CYP7B1: variants seen among roughly 807,000 people sequenced by gnomAD.
CYP7B1 encodes cytochrome P450 7B1.
CYP7B1 carries 29 observed loss-of-function variants against 42.7 expected under a neutral mutation model. The observed-to-expected ratio is 0.68, with a 90% CI of 0.51 to 0.93. The LOEUF (loss-of-function observed/expected upper bound fraction) is 0.93, where lower values mean the gene tolerates loss of function less well. Ranked by LOEUF, CYP7B1 falls within the 40% of genes least tolerant of loss-of-function variation. The pLI is 0.00. For missense variants in CYP7B1, 655 were observed against 600.5 expected (o/e 1.09, Z -0.95); for synonymous variants, 235 against 218.2 (o/e 1.08, Z -0.68).
intron 5 of CYP7B1, among the ~76,000 whole-genome samples, chr8:64,601,878 C>A (rs953016775): frequency 1.3e-5 from 2 of 152,164 alleles, no homozygotes; most frequent in African/African-American, 4.8e-5. Context: ...CTAGCATCTC[C>A]TTTTGCCATA....
chr8:64,693,830 T>C (rs1420841962), intron 1 of CYP7B1, among the ~76,000 whole-genome samples: 2 of 152,214 alleles, frequency 1.3e-5, no homozygotes, highest in East Asian at 1.9e-4. Context: ...AACTTGATCT[T>C]CCTAGCAACC....
chr8:64,626,054 G>C (rs1479283216), intron 1 of CYP7B1, among the ~76,000 whole-genome samples: 1 of 152,110 alleles, frequency 6.6e-6, no homozygotes, highest in Non-Finnish European at 1.5e-5. Context: ...TTATCACCGA[G>C]TTTAGAACTA....
rs1805426589 is a variant in CYP7B1 at position 64,615,604 on chromosome 8, T to C, written c.850+87A>G. On this transcript the variant is annotated intron_variant, in intron 3 of 5. Coordinates refer to ENST00000310193, the MANE Select transcript of CYP7B1 (RefSeq NM_004820.5). ...GCCAATTAGAAAGAGCATAAAAAAT[T>C]TTCAAGGTCGCCATTTTGTCTTTTT... 3 of 1,315,698 alleles carry C rather than the reference T, an allele frequency of 2.3e-6. No homozygotes were observed. In the South Asian group the frequency reaches 3.7e-5, roughly 16 times the overall value. The allele number at this position is 1,315,698 out of a possible 1,614,324, so 81.5% of individuals were successfully genotyped here.
intron 1 of CYP7B1, among the ~76,000 whole-genome samples, chr8:64,764,225 C>T (rs1207842681): frequency 4.1e-5 from 1 of 24,552 alleles, no homozygotes; most frequent in African/African-American, 2.3e-4. Context: ...CCAGCTTCCA[C>T]GCTGCCCCCC....
At chr8:64,677,438 C>CAA (rs148821778) in intron 1 of CYP7B1, among the ~76,000 whole-genome samples, 23 of 87,276 alleles carry the variant, frequency 2.6e-4, no homozygotes, top group Non-Finnish European at 4.4e-4. Flanking sequence ...ATTTAGGAGC[C>CAA]AAAAAAAAAA....
intron 1 of CYP7B1, among the ~76,000 whole-genome samples, chr8:64,657,510 T>C (rs1178387342): frequency 1.3e-5 from 2 of 152,206 alleles, no homozygotes; most frequent in Admixed American, 1.3e-4. Flanking sequence ...CAGACATTTG[T>C]ATGAATCCAT....
chr8:64,794,723 G>A (rs936521500), intron 1 of CYP7B1, among the ~76,000 whole-genome samples: 13 of 152,056 alleles, frequency 8.5e-5, no homozygotes, highest in African/African-American at 3.1e-4. Context: ...AATTTTAGAG[G>A]GGAAGCAAAC....
intron 1 of CYP7B1, among the ~76,000 whole-genome samples, chr8:64,632,336 A>C (rs1360698787): frequency 6.6e-6 from 1 of 152,168 alleles, no homozygotes; most frequent in South Asian, 2.1e-4. Flanking sequence ...CAAACACTAC[A>C]TGATTCCACT....
At chr8:64,672,782 A>C (rs1806385811) in intron 1 of CYP7B1, among the ~76,000 whole-genome samples, 1 of 152,118 alleles carries the variant, frequency 6.6e-6, no homozygotes, top group Non-Finnish European at 1.5e-5. Flanking sequence ...AGATAAGCTG[A>C]CTTCTGAGTG....
chr8:64,586,827 C>G (rs536648551), downstream of CYP7B1, among the ~76,000 whole-genome samples: 159 of 152,328 alleles, frequency 1.0e-3, no homozygotes, highest in Middle Eastern at 6.8e-3. Context: ...CCTGTGCTCT[C>G]TGTATTGGCA....
At position 64,722,288 on chromosome 8, in the gene CYP7B1, G is replaced by A. The variant is rs1369212157; in HGVS notation, c.122+76178C>T. On this transcript the variant is annotated intron_variant, in intron 1 of 5. Transcript: ENST00000310193. Reference sequence around the variant, plus strand: ...GAGCAGCCTAAGCTGTCCAGTATGTGCTTCCCAGACCTTATGTGGCCCATC... The same window carrying A: ...GAGCAGCCTAAGCTGTCCAGTATGTACTTCCCAGACCTTATGTGGCCCATC... Among the ~76,000 whole-genome samples the A allele has an allele frequency of 2.0e-5, 3 of 152,290 alleles. No homozygotes were observed. The East Asian group carries it at 5.8e-4, about 29-fold the overall frequency.
At chr8:64,721,829 T>C (rs999854158) in intron 1 of CYP7B1, among the ~76,000 whole-genome samples, 22 of 152,188 alleles carry the variant, frequency 1.4e-4, no homozygotes, top group Middle Eastern at 3.2e-3. Flanking sequence ...ACATATGATA[T>C]AGATAACATT....
intron 1 of CYP7B1, among the ~76,000 whole-genome samples, chr8:64,726,762 C>G (rs1807330994): frequency 6.6e-6 from 1 of 152,180 alleles, no homozygotes; most frequent in African/African-American, 2.4e-5. Context: ...AACTTAGGAT[C>G]ATCTGTATAG....
intron 1 of CYP7B1, among the ~76,000 whole-genome samples, chr8:64,706,583 T>C (rs1431970898): frequency 6.6e-6 from 1 of 152,040 alleles, no homozygotes; most frequent in African/African-American, 2.4e-5. Flanking sequence ...ATCAGGAAAA[T>C]AGAAGTTCTT....
intron 1 of CYP7B1, among the ~76,000 whole-genome samples, chr8:64,647,384 CA>C (rs200310110): frequency 9.4e-5 from 14 of 148,796 alleles, no homozygotes; most frequent in African/African-American, 2.2e-4. Flanking sequence ...CATGGTGTTG[CA>C]AAAAAAAATG....
chr8:64,605,319 C>T (rs1055691582), intron 4 of CYP7B1, among the ~76,000 whole-genome samples: 1 of 152,198 alleles, frequency 6.6e-6, no homozygotes, highest in Non-Finnish European at 1.5e-5. Context: ...GTAGTGCTTT[C>T]TGAGACAGCT....
intron 1 of CYP7B1, among the ~76,000 whole-genome samples, chr8:64,633,358 G>T (rs766421141): frequency 6.6e-6 from 1 of 152,102 alleles, no homozygotes; most frequent in Non-Finnish European, 1.5e-5. Context: ...AAATCTCAAA[G>T]AATCAGTAAC....
chr8:64,605,632 A>T (rs1363564435), intron 4 of CYP7B1, among the ~76,000 whole-genome samples: 1 of 152,164 alleles, frequency 6.6e-6, no homozygotes, highest in East Asian at 1.9e-4. Context: ...TGCATAAATC[A>T]TTCTGATAGC....
At chr8:64,764,386 G>A (rs1289799333) in intron 1 of CYP7B1, among the ~76,000 whole-genome samples, 1 of 151,942 alleles carries the variant, frequency 6.6e-6, no homozygotes, top group Non-Finnish European at 1.5e-5. Context: ...GTAAGTCAGA[G>A]GCACAGAGAG....
Sources: allele counts gnomAD v4.1 joint callset (sites outside exome capture counted in the v4.1 genomes callset), GRCh38; gene constraint gnomAD v4.1.1; transcripts MANE v1.5; gene names NCBI Gene and HGNC (gene_info 2026-07-23, HGNC 2026-07-21).